DAB1: variants seen among roughly 807,000 people sequenced by gnomAD.
The protein encoded by DAB1 is DAB adaptor protein 1.
In DAB1, 15 loss-of-function variants were observed where a neutral mutation model predicts 64.6. That is an observed-to-expected ratio of 0.23 (90% CI 0.16 to 0.36). The LOEUF (loss-of-function observed/expected upper bound fraction) is 0.36, where lower values mean the gene tolerates loss of function less well. Among genes scored for constraint, DAB1 ranks in the 10% least tolerant of loss-of-function variants. DAB1 has a pLI of 1.00. For missense variants in DAB1, 596 were observed against 706.7 expected, an observed-to-expected ratio of 0.84 and a Z score of 1.78; for synonymous variants, 235 against 251.9, an observed-to-expected ratio of 0.93 and a Z score of 0.64.
At chr1:57,844,749 T>C (rs538111763) in intron 1 of DAB1, among the ~76,000 whole-genome samples, 2 of 152,292 alleles carry the variant, frequency 1.3e-5, no homozygotes, top group East Asian at 1.9e-4. Flanking sequence ...AGAGAGATAC[T>C]GGGGCCCTTC....
intron 4 of DAB1, among the ~76,000 whole-genome samples, chr1:57,118,276 T>C (rs1656322606): frequency 6.6e-6 from 1 of 151,910 alleles, no homozygotes; most frequent in Non-Finnish European, 1.5e-5. Flanking sequence ...TGTAACAACA[T>C]CAACAAATTT....
At chr1:58,462,191 G>A (rs1019238992) in intron 3 of DAB1, among the ~76,000 whole-genome samples, 1 of 148,602 alleles carries the variant, frequency 6.7e-6, no homozygotes, top group Non-Finnish European at 1.5e-5. Flanking sequence ...CAGTGGCGCA[G>A]TCTCGGCTCA....
intron 14 of DAB1, among the ~76,000 whole-genome samples, chr1:57,002,067 T>C (rs1362409677): frequency 1.3e-5 from 2 of 152,224 alleles, no homozygotes; most frequent in Admixed American, 6.5e-5. Flanking sequence ...CTCTTCTTAG[T>C]GGAAGTTGGC....
At chr1:57,268,492 A>G (rs951791418) in intron 2 of DAB1, among the ~76,000 whole-genome samples, 9 of 152,168 alleles carry the variant, frequency 5.9e-5, no homozygotes, top group African/African-American at 1.4e-4. Flanking sequence ...AATTCATCCA[A>G]CCCATTCCAG....
intron 2 of DAB1, among the ~76,000 whole-genome samples, chr1:57,243,758 G>A (rs927098055): frequency 6.6e-6 from 1 of 152,126 alleles, no homozygotes; most frequent in Admixed American, 6.5e-5. Flanking sequence ...TACACCATGA[G>A]ACATAAGCAG....
intron 3 of DAB1, among the ~76,000 whole-genome samples, chr1:58,352,974 C>T (rs1430808335): frequency 6.6e-6 from 1 of 152,034 alleles, no homozygotes; most frequent in African/African-American, 2.4e-5. Flanking sequence ...GAGAAGTAAA[C>T]TTTTGTTGTT....
intron 7 of DAB1, among the ~76,000 whole-genome samples, chr1:57,540,365 A>G (rs1644787141): frequency 6.6e-6 from 1 of 152,194 alleles, no homozygotes; most frequent in African/African-American, 2.4e-5. Context: ...AAATTAGTAC[A>G]ACCACTATGG....
intron 10 of DAB1, 127 bp downstream of exon 10, chr1:57,025,853 GC>G: frequency 1.4e-6 from 1 of 720,074 alleles, no homozygotes; most frequent in Non-Finnish European, 2.3e-6. Context: ...AAGTCACACA[GC>G]TTGAAAGAGT....
chr1:58,131,468 A>G (rs1382330273), intron 5 of DAB1, among the ~76,000 whole-genome samples: 5 of 145,146 alleles, frequency 3.4e-5, no homozygotes, highest in African/African-American at 7.6e-5. Flanking sequence ...CGTCAAAGTC[A>G]TTCTCCATCC....
chr1:57,601,893 T>C (rs990057845), intron 7 of DAB1, among the ~76,000 whole-genome samples: 49 of 152,254 alleles, frequency 3.2e-4, no homozygotes, highest in African/African-American at 1.2e-3. Context: ...AAATGAACCA[T>C]GTGTCATCAT....
At chr1:57,385,534 G>A (rs1249210240) in intron 1 of DAB1, among the ~76,000 whole-genome samples, 1 of 152,148 alleles carries the variant, frequency 6.6e-6, no homozygotes, top group African/African-American at 2.4e-5. Flanking sequence ...AGGAAAATGA[G>A]ACATAGCCCC....
intron 5 of DAB1, among the ~76,000 whole-genome samples, chr1:58,124,344 T>G (rs1481234639): frequency 6.6e-6 from 1 of 152,130 alleles, no homozygotes; most frequent in Non-Finnish European, 1.5e-5. Flanking sequence ...TTACAATATG[T>G]TATTTTCATC....
chr1:57,563,352 C>T (rs994121481), intron 7 of DAB1, among the ~76,000 whole-genome samples: 1 of 152,144 alleles, frequency 6.6e-6, no homozygotes, highest in Non-Finnish European at 1.5e-5. Context: ...GTCTACAGCT[C>T]CCAGCATGAG....
intron 4 of DAB1, among the ~76,000 whole-genome samples, chr1:58,310,632 C>A (rs923344538): frequency 6.6e-6 from 1 of 152,156 alleles, no homozygotes; most frequent in African/African-American, 2.4e-5. Context: ...TGCACACAGA[C>A]TGCCCAGTTG....
intron 5 of DAB1, among the ~76,000 whole-genome samples, chr1:57,889,900 G>A (rs531562458): frequency 3.3e-5 from 2 of 60,538 alleles, no homozygotes; most frequent in African/African-American, 6.3e-5. Context: ...AAACTGGGGC[G>A]GGGGGGGGGG....
At chr1:58,025,310 G>C (rs943658805) in intron 5 of DAB1, among the ~76,000 whole-genome samples, 3 of 151,964 alleles carry the variant, frequency 2.0e-5, no homozygotes, top group Non-Finnish European at 4.4e-5. Context: ...AGCCCTGAGA[G>C]ATTAGAGCTT....
chr1:57,373,665 T>C (rs952775449), intron 1 of DAB1, among the ~76,000 whole-genome samples: 1 of 152,196 alleles, frequency 6.6e-6, no homozygotes, highest in Non-Finnish European at 1.5e-5. Flanking sequence ...ATCTGAAAAT[T>C]ACTTCCTGAA....
intron 7 of DAB1, among the ~76,000 whole-genome samples, chr1:57,462,939 ACTT>A (rs1686834104): frequency 6.6e-6 from 1 of 152,206 alleles, no homozygotes; most frequent in Admixed American, 6.5e-5. Flanking sequence ...AGGAGGTAAA[ACTT>A]AAGAAGAACC....
chr1:58,284,915 C>T (rs1484394803), intron 4 of DAB1, among the ~76,000 whole-genome samples: 4 of 152,204 alleles, frequency 2.6e-5, no homozygotes, highest in African/African-American at 9.7e-5. Context: ...GCATCTTCTG[C>T]TTACACTGCA....
Sources: allele counts gnomAD v4.1 joint callset (sites outside exome capture counted in the v4.1 genomes callset), GRCh38; gene constraint gnomAD v4.1.1; transcripts MANE v1.5; gene names NCBI Gene and HGNC (gene_info 2026-07-23, HGNC 2026-07-21).